OR5F1: variants seen among roughly 807,000 people sequenced by gnomAD.
OR5F1 encodes olfactory receptor 5F1.
For missense variants in OR5F1, 429 were observed against 369.9 expected, an observed-to-expected ratio of 1.16 and a Z score of -1.31; for synonymous variants, 185 against 153.2, an observed-to-expected ratio of 1.21 and a Z score of -1.53.
rs760538244 is a variant in OR5F1, at chr11:55,994,154, C to T, written c.472G>A (p.Val158Ile). Residue 158 changes from valine to isoleucine, a missense_variant, in exon 1 of 1, where the codon GTC becomes ATC. Coordinates refer to ENST00000278409, the MANE Select transcript of OR5F1 (RefSeq NM_003697.1). ...AFAAGLLNFM[V>I]NTSHVSSLSF... ...AAGCTGCTGACATGGCTTGTGTTGACCATGAAGTTCAGCAACCCTGCAGCA... is the reference window on the plus strand; with the variant it reads ...AAGCTGCTGACATGGCTTGTGTTGATCATGAAGTTCAGCAACCCTGCAGCA... 1.2e-6 allele frequency: 2 copies of T among 1,613,930 alleles called. No homozygotes were observed. The highest frequency in any genetic ancestry group is 2.2e-5 in the East Asian group (1 of 44,866).
In OR5F1 at chr11:55,994,533, A is replaced by G; in HGVS notation, c.93T>C (p.Phe31=). ...LELQIILFLF[F]LVIYTLTVLG... ...GTACTGTAAGTGTATAAATCACAAG[A>G]AAAAACAAAAAGAGGATAATCTGTA... is the stretch of plus-strand genomic sequence containing the variant. The change falls in exon 1 of 1, where the codon TTT becomes TTC. Residue 31 remains phenylalanine (F), a synonymous_variant. Coordinates refer to ENST00000278409, the MANE Select transcript of OR5F1 (RefSeq NM_003697.1). 6.2e-7 allele frequency: 1 copy of G among 1,613,532 alleles called. No homozygotes were observed. The highest frequency in any genetic ancestry group is 8.5e-7 in the Non-Finnish European group (1 of 1,179,712).
chr11:55,994,153 A>T lies in OR5F1; in HGVS notation c.473T>A (p.Val158Asp), dbSNP rs1852994254. ...AFAAGLLNFMVNTSHVSSLSF... is the reference protein window; with the variant it reads ...AFAAGLLNFMDNTSHVSSLSF... Reference sequence around the variant, plus strand: ...CAAGCTGCTGACATGGCTTGTGTTGACCATGAAGTTCAGCAACCCTGCAGC... The same window carrying T: ...CAAGCTGCTGACATGGCTTGTGTTGTCCATGAAGTTCAGCAACCCTGCAGC... Residue 158 changes from valine to aspartate, a missense_variant, in exon 1 of 1, where the codon GTC becomes GAC. Transcript: ENST00000278409. 3.1e-6 allele frequency: 5 copies of T among 1,613,988 alleles called. No homozygotes were observed. Among genetic ancestry groups the T allele is most frequent in the Non-Finnish European group, 4.2e-6 (5 of 1,179,984 alleles).
In OR5F1 at chr11:55,994,542, A is replaced by C; in HGVS notation, c.84T>G (p.Phe28Leu). 1 of 1,613,364 alleles carries C rather than the reference A, an allele frequency of 6.2e-7. No homozygotes were observed. The highest frequency in any genetic ancestry group is 8.5e-7 in the Non-Finnish European group (1 of 1,179,604). ...ADTLELQIIL[F>L]LFFLVIYTLT... ...GTGTATAAATCACAAGAAAAAACAAAAAGAGGATAATCTGTAGCTCCAGCG... is the reference window on the plus strand; with the variant it reads ...GTGTATAAATCACAAGAAAAAACAACAAGAGGATAATCTGTAGCTCCAGCG... Residue 28 changes from phenylalanine to leucine, a missense_variant, in exon 1 of 1, where the codon TTT becomes TTG. Phe to Leu is a conservative substitution (Grantham distance 22). Coordinates refer to ENST00000278409, the MANE Select transcript of OR5F1 (RefSeq NM_003697.1).
At position 55,994,431 on chromosome 11, in the gene OR5F1, G is replaced by A; in HGVS notation, c.195C>T (p.Asn65=). 6.2e-7 allele frequency: 1 copy of A among 1,613,858 alleles called. No individual in the cohort carries two copies. Among genetic ancestry groups the A allele is most frequent in the Non-Finnish European group, 8.5e-7 (1 of 1,179,960 alleles). Residue 65 remains asparagine (N), a synonymous_variant, in exon 1 of 1, where the codon AAC becomes AAT. Transcript: ENST00000278409. ...LHTPMYFFLA[N]LSFVDVCNST... The stretch of plus-strand genomic sequence containing the variant: ...AGTTACAAACGTCCACAAAGGACAG[G>A]TTAGCCAGGAAGAAATACATGGGTG...
rs757019967 is a variant in OR5F1, at chr11:55,994,475, T to A, written c.151A>T (p.Ile51Phe). 30 of 1,613,712 alleles carry A rather than the reference T, an allele frequency of 1.9e-5. No homozygotes were observed. Among genetic ancestry groups the A allele is most frequent in the Non-Finnish European group, 2.1e-5 (25 of 1,179,966 alleles). ...ATGGGTGTGTGAAGCTGGGAATCGA[T>A]CCTGATTAAGAGGATCATCCCGAGA... Reference protein sequence around the residue: ...GNLGMILLIRIDSQLHTPMYF... With the variant: ...GNLGMILLIRFDSQLHTPMYF... The change falls in exon 1 of 1, where the codon ATC (isoleucine) becomes TTC (phenylalanine). Residue 51 changes from isoleucine to phenylalanine, a missense_variant. Ile to Phe is a conservative substitution (Grantham distance 21, BLOSUM62 0). Transcript: ENST00000278409.
chr11:55,994,141 T>A lies in OR5F1; in HGVS notation c.485A>T (p.His162Leu). The change falls in exon 1 of 1, where the codon CAT becomes CTT. Residue 162 changes from histidine to leucine, a missense_variant. By Grantham distance (99) the His-to-Leu change is moderately conservative. Transcript: ENST00000278409. ...GTCACAGAATGACAAGCTGCTGACATGGCTTGTGTTGACCATGAAGTTCAG... is the reference window on the plus strand; with the variant it reads ...GTCACAGAATGACAAGCTGCTGACAAGGCTTGTGTTGACCATGAAGTTCAG... ...GLLNFMVNTS[H>L]VSSLSFCDSN... 8.1e-6 allele frequency: 13 copies of A among 1,613,974 alleles called. No individual in the cohort carries two copies. The highest frequency in any genetic ancestry group is 1.1e-5 in the Non-Finnish European group (13 of 1,179,962).
In OR5F1 at chr11:55,994,619, T is replaced by C. The variant is rs747664776; in HGVS notation, c.7A>G (p.Arg3Gly). MT[R>G]KNYTSLTEFV... ...TCAGTCAGTGAGGTATAATTTTTTCTGGTCATTTATGAGAAATATATTTTG... is the reference window on the plus strand; with the variant it reads ...TCAGTCAGTGAGGTATAATTTTTTCCGGTCATTTATGAGAAATATATTTTG... The change falls in exon 1 of 1, where the codon AGA becomes GGA. Residue 3 changes from arginine to glycine, a missense_variant. Coordinates refer to ENST00000278409, the MANE Select transcript of OR5F1 (RefSeq NM_003697.1). The C allele has an allele frequency of 2.1e-5, 31 of 1,498,496 alleles. No homozygotes were observed. The African/African-American group carries it at 3.9e-4, about 19-fold the overall frequency. 92.8% of individuals were successfully genotyped at this position (1,498,496 alleles called of 1,614,324 possible).
chr11:55,994,258 T>C lies in OR5F1; in HGVS notation c.368A>G (p.Tyr123Cys). ...ILFGLMAYDR[Y>C]AAICRPLLYS... ...AAGCAGCGGGCGACATATGGCCGCA[T>C]ACCTGTCATAGGCCATTAACCCAAA... is the stretch of plus-strand genomic sequence containing the variant. The change falls in exon 1 of 1, where the codon TAT (tyrosine) becomes TGT (cysteine). Residue 123 changes from tyrosine to cysteine, a missense_variant. By Grantham distance (194) the Tyr-to-Cys change is radical. Coordinates refer to ENST00000278409, the MANE Select transcript of OR5F1 (RefSeq NM_003697.1). The C allele has an allele frequency of 6.2e-7, 1 of 1,613,638 alleles. No homozygotes were observed. Among genetic ancestry groups the C allele is most frequent in the Non-Finnish European group, 8.5e-7 (1 of 1,179,708 alleles).
At position 55,994,511 on chromosome 11, in the gene OR5F1, C is replaced by T. The variant is rs1294481462; in HGVS notation, c.115G>A (p.Val39Ile). The change falls in exon 1 of 1, where the codon GTA (valine) becomes ATA (isoleucine). Residue 39 changes from valine (V) to isoleucine (I), a missense_variant. Transcript: ENST00000278409. Reference sequence around the variant, plus strand: ...AGGATCATCCCGAGATTTCCCAGTACTGTAAGTGTATAAATCACAAGAAAA... The same window carrying T: ...AGGATCATCCCGAGATTTCCCAGTATTGTAAGTGTATAAATCACAAGAAAA... ...LFFLVIYTLT[V>I]LGNLGMILLI... 1 of 1,613,300 alleles carries T rather than the reference C, an allele frequency of 6.2e-7. No individual in the cohort carries two copies. The highest frequency in any genetic ancestry group is 1.3e-5 in the African/African-American group (1 of 74,708).
In OR5F1 at chr11:55,994,343, C is replaced by G; in HGVS notation, c.283G>C (p.Ala95Pro). 3 of 1,613,916 alleles carry G rather than the reference C, an allele frequency of 1.9e-6. No homozygotes were observed. Among genetic ancestry groups the G allele is most frequent in the Non-Finnish European group, 2.5e-6 (3 of 1,179,978 alleles). ...AAGTACATCTGTAGGAAGCAGCCAG[C>G]AAAAGAGATGGTTTTCTTCTCTGAT... The part of the protein sequence containing the change: ...LLSEKKTISF[A>P]GCFLQMYFFI... The change falls in exon 1 of 1, where the codon GCT (alanine) becomes CCT (proline). Residue 95 changes from alanine to proline, a missense_variant. Physicochemically the swap from Ala to Pro is conservative, Grantham distance 27. Coordinates refer to ENST00000278409, the MANE Select transcript of OR5F1 (RefSeq NM_003697.1).
At position 55,993,717 on chromosome 11, in the gene OR5F1, A is replaced by T. The variant is rs774830738; in HGVS notation, c.909T>A (p.Asn303Lys). 1.3e-6 allele frequency: 2 copies of T among 1,593,964 alleles called. No individual in the cohort carries two copies. The highest frequency in any genetic ancestry group is 1.7e-6 in the Non-Finnish European group (2 of 1,171,034). ...AAGAGGTCCTTTTCCTGCTAATTAC[A>T]TTCGCTAAAGCCTTCTTTACTTCCT... ...RSKEVKKALA[N>K]VISRKRTSSF... Residue 303 changes from asparagine (N) to lysine (K), a missense_variant, in exon 1 of 1, where the codon AAT (asparagine) becomes AAA (lysine). By Grantham distance (94) the Asn-to-Lys change is moderately conservative (BLOSUM62 0). Coordinates refer to ENST00000278409, the MANE Select transcript of OR5F1 (RefSeq NM_003697.1).
rs766409038 is a variant in OR5F1, at chr11:55,994,027, G to A, written c.599C>T (p.Ser200Phe). Residue 200 changes from serine (S) to phenylalanine (F), a missense_variant, in exon 1 of 1, where the codon TCT (serine) becomes TTT (phenylalanine). Ser to Phe is a radical substitution (Grantham distance 155, BLOSUM62 -2). Transcript: ENST00000278409. ...SDTILKESIS[S>F]ILAGVNIVGT... ...CACAATATTCACACCAGCCAAAATA[G>A]AACTTATGCTTTCTTTCAGGATTGT... 4.3e-6 allele frequency: 7 copies of A among 1,614,000 alleles called. No individual in the cohort carries two copies. Among genetic ancestry groups the A allele is most frequent in the Middle Eastern group, 1.6e-4 (1 of 6,062 alleles).
At position 55,993,808 on chromosome 11, in the gene OR5F1, A is replaced by C; in HGVS notation, c.818T>G (p.Val273Gly). The change falls in exon 1 of 1, where the codon GTG (valine) becomes GGG (glycine). Residue 273 changes from valine (V) to glycine (G), a missense_variant. Physicochemically the swap from Val to Gly is moderately radical, Grantham distance 109. Transcript: ENST00000278409. The part of the protein sequence containing the change: ...SSSYSLNQDK[V>G]ASVFYTVVIP... ...CACCACTGTGTAGAACACAGAAGCC[A>C]CTTTGTCCTGATTCAGGGAGTAGCT... 1.2e-6 allele frequency: 2 copies of C among 1,613,646 alleles called. No homozygotes were observed. The highest frequency in any genetic ancestry group is 1.7e-6 in the Non-Finnish European group (2 of 1,179,730).
chr11:55,994,396 A>G lies in OR5F1; in HGVS notation c.230T>C (p.Ile77Thr). Residue 77 changes from isoleucine to threonine, a missense_variant, in exon 1 of 1, where the codon ATC becomes ACC. By Grantham distance (89) the Ile-to-Thr change is moderately conservative. Transcript: ENST00000278409. ...TAAATCTGCCAGCATCTTTGGGGTG[A>G]TGGTAGTTGAGTTACAAACGTCCAC... is the stretch of plus-strand genomic sequence containing the variant. Reference protein sequence around the residue: ...SFVDVCNSTTITPKMLADLLS... With the variant: ...SFVDVCNSTTTTPKMLADLLS... The G allele has an allele frequency of 1.2e-6, 2 of 1,613,800 alleles. No homozygotes were observed. Among genetic ancestry groups the G allele is most frequent in the Non-Finnish European group, 1.7e-6 (2 of 1,179,858 alleles).
Position 55,993,987 on chromosome 11 carries a change from G to T in OR5F1, c.639C>A (p.Val213=), listed in dbSNP as rs139679637. 128 of 1,613,886 alleles carry T rather than the reference G, an allele frequency of 7.9e-5. No homozygotes were observed. The highest frequency in any genetic ancestry group is 1.1e-4 in the Non-Finnish European group (127 of 1,180,004). ...GAACGTAGGAGTAGGAGGAGAGGAT[G>T]ACAAGCAGAGTCCCCACAATATTCA... ...AGVNIVGTLL[V]ILSSYSYVLF... Residue 213 remains valine, a synonymous_variant, in exon 1 of 1, where the codon GTC becomes GTA. Transcript: ENST00000278409.
Position 55,993,694 on chromosome 11 carries a change from G to A in OR5F1, c.932C>T (p.Ser311Phe). Residue 311 changes from serine (S) to phenylalanine (F), a missense_variant, in exon 1 of 1, where the codon TCT becomes TTT. Transcript: ENST00000278409. ...LANVISRKRT[S>F]SFL ...TTAGCCAAACAATCACAGAAAGGAA[G>A]AGGTCCTTTTCCTGCTAATTACATT... The A allele has an allele frequency of 6.4e-7, 1 of 1,552,234 alleles. No individual in the cohort carries two copies. The highest frequency in any genetic ancestry group is 8.8e-7 in the Non-Finnish European group (1 of 1,142,554).
rs201185164 is a variant in OR5F1 at position 55,994,562 on chromosome 11, C to T, written c.64G>A (p.Glu22Lys). 86 of 1,610,940 alleles carry T rather than the reference C, an allele frequency of 5.3e-5. 1 individual carries two copies. In the Middle Eastern group the frequency reaches 1.2e-3, roughly 22 times the overall value. ...FVLLGLADTLELQIILFLFFL... is the reference protein window; with the variant it reads ...FVLLGLADTLKLQIILFLFFL... ...AACAAAAAGAGGATAATCTGTAGCT[C>T]CAGCGTGTCTGCTAATCCCAATAGG... Residue 22 changes from glutamate (E) to lysine (K), a missense_variant, in exon 1 of 1, where the codon GAG (glutamate) becomes AAG (lysine). Glu to Lys is a moderately conservative substitution (Grantham distance 56). Transcript: ENST00000278409.
Position 55,994,029 on chromosome 11 carries a change from A to G in OR5F1, c.597T>C (p.Ser199=). The change falls in exon 1 of 1, where the codon AGT becomes AGC. Residue 199 remains serine (S), a synonymous_variant. Transcript: ENST00000278409. ...CSDTILKESI[S]SILAGVNIVG... is the part of the protein sequence containing the mutation. ...CAATATTCACACCAGCCAAAATAGAACTTATGCTTTCTTTCAGGATTGTGT... is the reference window on the plus strand; with the variant it reads ...CAATATTCACACCAGCCAAAATAGAGCTTATGCTTTCTTTCAGGATTGTGT... The G allele has an allele frequency of 6.2e-7, 1 of 1,614,010 alleles. No homozygotes were observed. The highest frequency in any genetic ancestry group is 8.5e-7 in the Non-Finnish European group (1 of 1,179,980).
In OR5F1 at chr11:55,994,488, G is replaced by A. The variant is rs748488392; in HGVS notation, c.138C>T (p.Ile46=). The part of the protein sequence containing the change: ...TLTVLGNLGM[I]LLIRIDSQLH... The stretch of plus-strand genomic sequence containing the variant: ...GCTGGGAATCGATCCTGATTAAGAG[G>A]ATCATCCCGAGATTTCCCAGTACTG... The change falls in exon 1 of 1, where the codon ATC becomes ATT. Residue 46 remains isoleucine, a synonymous_variant. Transcript: ENST00000278409. The A allele has an allele frequency of 6.2e-7, 1 of 1,613,620 alleles. No individual in the cohort carries two copies. Among genetic ancestry groups the A allele is most frequent in the Non-Finnish European group, 8.5e-7 (1 of 1,179,826 alleles).
Sources: allele counts gnomAD v4.1 joint callset, GRCh38; gene constraint gnomAD v4.1.1; transcripts MANE v1.5; gene names NCBI Gene and HGNC (gene_info 2026-07-23, HGNC 2026-07-21).